Variants in PCM1 observed in about 807,000 individuals in gnomAD.
PCM1 encodes pericentriolar material 1 protein.
Under a neutral mutation model 241.9 loss-of-function variants are expected in PCM1, and 157 were observed. That is an observed-to-expected ratio of 0.65 (90% CI 0.57 to 0.74). The LOEUF is 0.74. Among genes scored for constraint, PCM1 ranks in the 30% least tolerant of loss-of-function variants. PCM1 has a pLI of 0.00. For missense variants in PCM1, 3,478 were observed against 2,360.1 expected (o/e 1.47, Z -9.81); for synonymous variants, 1,085 against 784.9 (o/e 1.38, Z -6.39).
intron 36 of PCM1, among the ~76,000 whole-genome samples, chr8:18,022,018 C>G (rs559854680): frequency 1.3e-5 from 2 of 152,276 alleles, no homozygotes; most frequent in South Asian, 4.1e-4. Flanking sequence ...GAGATTGGAT[C>G]TTTTGGAAAC....
rs2091782504 is a variant in PCM1, at chr8:18,007,986, A to G, written c.4963-1561A>G. On this transcript the variant is annotated intron_variant, in intron 30 of 38. Transcript: ENST00000325083. ...TCCTTATTTGAAGATTCTCAACCTA[A>G]AATAATCAAAAGGGTCAGAATCTAC... 2.6e-5 allele frequency among the ~76,000 whole-genome samples: 4 copies of G among 152,178 alleles called. No homozygotes were observed. In the South Asian group the frequency reaches 8.3e-4, roughly 32 times the overall value.
At chr8:17,937,915 A>T (rs1242611607) in intron 4 of PCM1, among the ~76,000 whole-genome samples, 1 of 152,200 alleles carries the variant, frequency 6.6e-6, no homozygotes, top group African/African-American at 2.4e-5. Context: ...TTCAAGTCTG[A>T]TAATGATGTT....
At chr8:17,934,341 A>C (rs2059853907) in intron 2 of PCM1, among the ~76,000 whole-genome samples, 1 of 151,476 alleles carries the variant, frequency 6.6e-6, no homozygotes, top group Admixed American at 6.6e-5. Context: ...GGCTCACTGC[A>C]ACCTTGGCTT....
rs577998930 is a variant in PCM1, at chr8:18,003,144, G to C, written c.4828-3119G>C. ...ATGTAATATTTGTCTGCCTCTCCATGCTAAAATACAAGATCCATGACATCT... is the reference window on the plus strand; with the variant it reads ...ATGTAATATTTGTCTGCCTCTCCATCCTAAAATACAAGATCCATGACATCT... On this transcript the variant is annotated intron_variant, in intron 29 of 38. Transcript: ENST00000325083. Among the ~76,000 whole-genome samples the C allele has an allele frequency of 2.0e-5, 3 of 152,280 alleles. No homozygotes were observed. The East Asian group carries it at 5.8e-4, about 29-fold the overall frequency.
At chr8:18,017,868 C>T (rs371390053) in intron 36 of PCM1, among the ~76,000 whole-genome samples, 1 of 151,980 alleles carries the variant, frequency 6.6e-6, no homozygotes, top group Admixed American at 6.6e-5. Context: ...AAAAAAAGTT[C>T]CCAAGGGTTT....
chr8:17,995,386 G>T (rs1446408097), intron 29 of PCM1, among the ~76,000 whole-genome samples: 1 of 150,916 alleles, frequency 6.6e-6, no homozygotes, highest in Non-Finnish European at 1.5e-5. Flanking sequence ...CTATCGGTCT[G>T]TGTTTCTGGG....
At chr8:17,980,781 AT>A in intron 24 of PCM1, 26 bp downstream of exon 24, 3 of 1,550,850 alleles carry the variant, frequency 1.9e-6, no homozygotes, top group Non-Finnish European at 1.8e-6. Context: ...GTTTGCATTA[AT>A]ATAAGGAGGT....
Position 17,952,961 on chromosome 8 carries a change from T to C in PCM1, c.1072-9T>C. ...TAATTCTTCTTTTTTGTTGTTTTTTTTTAATAAGCCTCCAGCTGTTCCAGA... is the reference window on the plus strand; with the variant it reads ...TAATTCTTCTTTTTTGTTGTTTTTTCTTAATAAGCCTCCAGCTGTTCCAGA... On this transcript the variant is annotated splice_polypyrimidine_tract_variant and intron_variant, in intron 8 of 38. Transcript: ENST00000325083. 6.6e-7 allele frequency: 1 copy of C among 1,515,300 alleles called. No individual in the cohort carries two copies. 93.9% of individuals were successfully genotyped at this position (1,515,300 alleles called of 1,614,324 possible). A position where few individuals can be genotyped will look rare whatever the true frequency, so the allele number is the denominator to read the frequency against.
intron 32 of PCM1, 76 bp from the exon 33 acceptor site, chr8:18,011,161 T>C: frequency 1.1e-6 from 1 of 937,844 alleles, no homozygotes; most frequent in Non-Finnish European, 1.5e-6. Flanking sequence ...TGATCATTAT[T>C]AATACGATAG....
intron 23 of PCM1, among the ~76,000 whole-genome samples, chr8:17,974,857 G>GCACACACA (rs60355433): frequency 0.01 from 1,338 of 133,356 alleles, 19 homozygotes; most frequent in Non-Finnish European, 0.014. Context: ...CCACTTTAAG[G>GCACACACA]CACACACACA....
intron 23 of PCM1, among the ~76,000 whole-genome samples, chr8:17,979,226 C>G (rs774910313): frequency 2.6e-5 from 4 of 152,020 alleles, no homozygotes; most frequent in East Asian, 1.9e-4. Flanking sequence ...ATATTTCTAT[C>G]TCAGTTAGGA....
At chr8:17,938,180 TC>T (rs1171287402) in intron 4 of PCM1, among the ~76,000 whole-genome samples, 2 of 152,106 alleles carry the variant, frequency 1.3e-5, no homozygotes, top group Non-Finnish European at 2.9e-5. Context: ...TGCTCCAAAA[TC>T]CAAAACTTTT....
At chr8:18,000,210 G>A (rs954292593) in intron 29 of PCM1, among the ~76,000 whole-genome samples, 3 of 152,142 alleles carry the variant, frequency 2.0e-5, no homozygotes, top group Non-Finnish European at 4.4e-5. Flanking sequence ...GCGTGTTGAA[G>A]GAACTAGAGG....
chr8:18,014,493 T>C (rs2092928531), intron 35 of PCM1, 91 bp from the exon 36 acceptor site: 2 of 998,176 alleles, frequency 2.0e-6, no homozygotes, highest in Admixed American at 3.0e-5. Context: ...TCTTGATTGC[T>C]CTTATTCAGG....
At chr8:17,926,510 G>A (rs1037139364) in intron 2 of PCM1, 1 of 152,210 alleles carries the variant, frequency 6.6e-6, no homozygotes, top group Non-Finnish European at 1.5e-5. Context: ...CTATGTGTAT[G>A]TAGAGTGTAG....
At chr8:18,015,263 A>AC (rs905805153) in intron 36 of PCM1, among the ~76,000 whole-genome samples, 14 of 152,044 alleles carry the variant, frequency 9.2e-5, no homozygotes, top group East Asian at 1.9e-4. Flanking sequence ...AAAAAAAAAA[A>AC]AACTAGGAAA....
chr8:17,948,708 C>G (rs1049084440), intron 7 of PCM1, among the ~76,000 whole-genome samples: 1 of 151,978 alleles, frequency 6.6e-6, no homozygotes, highest in Non-Finnish European at 1.5e-5. Flanking sequence ...ATTTAAAGTA[C>G]CATTAGCTTT....
At chr8:17,989,457 ATGATGTTG>A (rs2083730925) in intron 26 of PCM1, among the ~76,000 whole-genome samples, 2 of 152,024 alleles carry the variant, frequency 1.3e-5, no homozygotes, top group African/African-American at 4.8e-5. Context: ...AAAAATGCAA[ATGATGTTG>A]TGATGTTTTC....
chr8:17,998,603 G>T (rs1160768866), intron 29 of PCM1, among the ~76,000 whole-genome samples: 2 of 152,124 alleles, frequency 1.3e-5, no homozygotes, highest in African/African-American at 4.8e-5. Flanking sequence ...GACTGTGCTG[G>T]GTCATACCTA....
Sources: gnomAD v4.1 joint callset for allele counts (sites outside exome capture counted in the v4.1 genomes callset) on GRCh38, gnomAD v4.1.1 for gene constraint, MANE v1.5 for transcripts, NCBI Gene and HGNC (gene_info 2026-07-23, HGNC 2026-07-21) for gene names.